EEFSEC: variants seen among roughly 807,000 people sequenced by gnomAD.
EEFSEC encodes selenocysteine-specific elongation factor.
EEFSEC carries 43 observed loss-of-function variants against 42.1 expected under a neutral mutation model. The observed-to-expected ratio is 1.02, with a 90% CI of 0.80 to 1.32. The LOEUF (loss-of-function observed/expected upper bound fraction) is 1.32. Ranked by LOEUF, EEFSEC falls within the 40% of genes most tolerant of loss-of-function variation. The probability of loss-of-function intolerance (pLI) is 0.00; values close to 1 mark genes in which losing one functional copy is unlikely to be tolerated. For missense variants in EEFSEC, 745 were observed against 803.6 expected (o/e 0.93, Z 0.88); for synonymous variants, 354 against 339.1 (o/e 1.04, Z -0.48).
intron 6 of EEFSEC, among the ~76,000 whole-genome samples, chr3:128,405,275 C>T (rs1307095201): frequency 1.3e-5 from 2 of 152,184 alleles, no homozygotes; most frequent in African/African-American, 2.4e-5. Flanking sequence ...CTCGGCCTCC[C>T]AAAGTGCTAG....
chr3:128,371,111 G>T (rs1559944690), intron 6 of EEFSEC, among the ~76,000 whole-genome samples: 1 of 150,234 alleles, frequency 6.7e-6, no homozygotes, highest in Non-Finnish European at 1.5e-5. Context: ...TTTTGGAGCA[G>T]TTTTTTTTTT....
At chr3:128,392,435 G>T (rs190097707) in intron 6 of EEFSEC, among the ~76,000 whole-genome samples, 35 of 152,366 alleles carry the variant, frequency 2.3e-4, no homozygotes, top group African/African-American at 8.2e-4. Flanking sequence ...CAGGGAGGCA[G>T]GGTCATTGTC....
At chr3:128,297,580 T>G (rs1423534073) in intron 4 of EEFSEC, among the ~76,000 whole-genome samples, 1 of 152,074 alleles carries the variant, frequency 6.6e-6, no homozygotes, top group Admixed American at 6.5e-5. Flanking sequence ...AGTTCTGCAT[T>G]ACTCCACATG....
intron 4 of EEFSEC, among the ~76,000 whole-genome samples, chr3:128,312,169 A>G (rs1415773333): frequency 1.3e-5 from 2 of 152,210 alleles, no homozygotes; most frequent in African/African-American, 4.8e-5. Context: ...AGACCCCACT[A>G]TGTGGCAGAT....
At chr3:128,294,191 A>G (rs1172870761) in intron 4 of EEFSEC, among the ~76,000 whole-genome samples, 1 of 152,194 alleles carries the variant, frequency 6.6e-6, no homozygotes, top group Non-Finnish European at 1.5e-5. Context: ...CTTAGACCAG[A>G]TACCTGGTGA....
chr3:128,236,043 C>T (rs946692611), intron 1 of EEFSEC, among the ~76,000 whole-genome samples: 44 of 152,240 alleles, frequency 2.9e-4, no homozygotes, highest in African/African-American at 1.1e-3. Context: ...CGCCTTACTG[C>T]AACCTCCGCC....
At chr3:128,404,376 G>A (rs2107638473) in intron 6 of EEFSEC, among the ~76,000 whole-genome samples, 1 of 152,338 alleles carries the variant, frequency 6.6e-6, no homozygotes, top group South Asian at 2.1e-4. Flanking sequence ...GCCTGCTCCG[G>A]GCAGTGCGAG....
intron 1 of EEFSEC, among the ~76,000 whole-genome samples, chr3:128,180,274 T>C (rs541301466): frequency 6.6e-6 from 1 of 152,362 alleles, no homozygotes; most frequent in South Asian, 2.1e-4. Context: ...TCATGTGCTC[T>C]GTGAATCTAG....
chr3:128,265,980 A>T (rs1237486077), intron 4 of EEFSEC, among the ~76,000 whole-genome samples: 1 of 152,220 alleles, frequency 6.6e-6, no homozygotes, highest in East Asian at 1.9e-4. Context: ...TTATACTATT[A>T]TAAAACCTGG....
intron 1 of EEFSEC, among the ~76,000 whole-genome samples, chr3:128,241,749 C>T (rs1161041740): frequency 2.6e-5 from 4 of 152,124 alleles, no homozygotes; most frequent in Admixed American, 6.5e-5. Flanking sequence ...AAGTGAAAAC[C>T]GTGGTAACAG....
chr3:128,165,579 C>T (rs11927580), intron 1 of EEFSEC, among the ~76,000 whole-genome samples: 1,652 of 152,262 alleles, frequency 0.011, 21 homozygotes, highest in African/African-American at 0.038. Flanking sequence ...AGTTGACTTT[C>T]CCTCTTTCCA....
intron 6 of EEFSEC, chr3:128,367,690 C>G: frequency 1.0e-6 from 1 of 985,408 alleles, no homozygotes; most frequent in Non-Finnish European, 1.2e-6. Flanking sequence ...AGAGAGACAG[C>G]CTTGAAACCA....
chr3:128,153,697 C>T lies in EEFSEC; in HGVS notation c.190C>T (p.Leu64=). ...SCFSVPLPAR[L]RSSLPEFQAA... Reference sequence around the variant, plus strand: ...CTTCTCGGTGCCGCTGCCCGCGCGCCTGCGGTCGTCTTTGCCCGAGTTCCA... The same window carrying T: ...CTTCTCGGTGCCGCTGCCCGCGCGCTTGCGGTCGTCTTTGCCCGAGTTCCA... The change falls in exon 1 of 7, where the codon CTG becomes TTG. Residue 64 remains leucine, a synonymous_variant. Transcript: ENST00000254730. The T allele has an allele frequency of 6.3e-7, 1 of 1,589,004 alleles. No individual in the cohort carries two copies. The highest frequency in any genetic ancestry group is 8.5e-7 in the Non-Finnish European group (1 of 1,175,502).
Position 128,408,377 on chromosome 3 carries a change from G to A in EEFSEC, c.*118G>A. On this transcript the variant is annotated 3_prime_UTR_variant, in exon 7 of 7. Transcript: ENST00000254730. ...CTCTCCCTGCAGTCCTGCAGCAGCA[G>A]CCCCCACCCCCAAGCTTGGTGCTGA... 1 of 1,132,880 alleles carries A rather than the reference G, an allele frequency of 8.8e-7. No homozygotes were observed. The highest frequency in any genetic ancestry group is 1.2e-6 in the Non-Finnish European group (1 of 809,858). 70.2% of individuals were successfully genotyped at this position (1,132,880 alleles called of 1,614,324 possible). A position where few individuals can be genotyped will look rare whatever the true frequency, so the allele number is the denominator to read the frequency against.
intron 5 of EEFSEC, among the ~76,000 whole-genome samples, chr3:128,342,723 T>G (rs1576654942): frequency 1.3e-5 from 2 of 152,172 alleles, no homozygotes. Context: ...CCTCGGCTGG[T>G]CCTGTGGTGC....
At chr3:128,257,633 T>G (rs1406463733) in intron 2 of EEFSEC, among the ~76,000 whole-genome samples, 3 of 152,220 alleles carry the variant, frequency 2.0e-5, no homozygotes, top group African/African-American at 7.2e-5. Context: ...ATCACACCTT[T>G]CCAGAGCATT....
chr3:128,311,691 C>T (rs139212311), intron 4 of EEFSEC, among the ~76,000 whole-genome samples: 2 of 152,354 alleles, frequency 1.3e-5, no homozygotes, highest in African/African-American at 2.4e-5. Context: ...CTTTCTGTGC[C>T]TCCATCTCTT....
At chr3:128,279,076 G>A (rs1033661613) in intron 4 of EEFSEC, among the ~76,000 whole-genome samples, 2 of 152,220 alleles carry the variant, frequency 1.3e-5, no homozygotes, top group African/African-American at 4.8e-5. Flanking sequence ...AGAATGGTGG[G>A]GCAGGGAGGG....
chr3:128,315,516 C>T (rs970754000), intron 4 of EEFSEC, among the ~76,000 whole-genome samples: 1 of 152,144 alleles, frequency 6.6e-6, no homozygotes, highest in Non-Finnish European at 1.5e-5. Context: ...AGCCTGTGCC[C>T]GAGGGCCATG....
Sources: gnomAD v4.1 joint callset for allele counts (sites outside exome capture counted in the v4.1 genomes callset) on GRCh38, gnomAD v4.1.1 for gene constraint, MANE v1.5 for transcripts, NCBI Gene and HGNC (gene_info 2026-07-23, HGNC 2026-07-21) for gene names.